CYFIP1: variants seen among roughly 807,000 people sequenced by gnomAD.
The protein encoded by CYFIP1 is cytoplasmic FMR1 interacting protein 1, also known as cytoplasmic FMR1-interacting protein 1.
Under a neutral mutation model 163.5 loss-of-function variants are expected in CYFIP1, and 58 were observed. The ratio of observed to expected loss-of-function variants is 0.35; its 90% CI spans 0.29 to 0.44. CYFIP1 has a LOEUF of 0.44. Among genes scored for constraint, CYFIP1 ranks in the 20% least tolerant of loss-of-function variants. The probability of loss-of-function intolerance (pLI) is 1.00; values close to 1 mark genes in which losing one functional copy is unlikely to be tolerated. For missense variants in CYFIP1, 1,338 were observed against 1,653.8 expected (o/e 0.81, Z 3.31); for synonymous variants, 663 against 660.7 (o/e 1.00, Z -0.05).
intron 1 of CYFIP1, among the ~76,000 whole-genome samples, chr15:22,963,926 A>T (rs1291544816): frequency 6.6e-6 from 1 of 152,158 alleles, no homozygotes; most frequent in Non-Finnish European, 1.5e-5. Context: ...CAGTGTTATA[A>T]TCAGAATGCT....
chr15:22,921,957 G>C (rs117274294), intron 13 of CYFIP1, among the ~76,000 whole-genome samples: 3,683 of 152,220 alleles, frequency 0.024, 94 homozygotes, highest in Non-Finnish European at 0.032. Flanking sequence ...AAAACAATTT[G>C]ATGGGGAAAG....
chr15:22,945,583 T>A (rs1206243274), intron 3 of CYFIP1, among the ~76,000 whole-genome samples: 3 of 152,054 alleles, frequency 2.0e-5, no homozygotes, highest in African/African-American at 7.2e-5. Context: ...CAGTATTTTT[T>A]TTTTTTTTTG....
At chr15:22,951,139 G>A (rs906247740) in intron 1 of CYFIP1, among the ~76,000 whole-genome samples, 1 of 152,098 alleles carries the variant, frequency 6.6e-6, no homozygotes, top group Non-Finnish European at 1.5e-5. Flanking sequence ...CCCCAATGGC[G>A]GCTGGAGACG....
At chr15:22,897,235 A>G (rs945347971) in intron 22 of CYFIP1, among the ~76,000 whole-genome samples, 15 of 152,122 alleles carry the variant, frequency 9.9e-5, no homozygotes, top group African/African-American at 3.4e-4. Context: ...GAAAACTAGT[A>G]CAACAAAGGG....
intron 23 of CYFIP1, among the ~76,000 whole-genome samples, chr15:22,883,756 G>C (rs1390497401): frequency 6.8e-6 from 1 of 146,430 alleles, no homozygotes. Context: ...TGTGGAGCTT[G>C]CAGTGAGCCG....
At chr15:22,908,690 G>T (rs977079889) in intron 21 of CYFIP1, among the ~76,000 whole-genome samples, 8 of 151,526 alleles carry the variant, frequency 5.3e-5, no homozygotes, top group Non-Finnish European at 1.0e-4. Flanking sequence ...CACCACGCCC[G>T]CCTAATTTTT....
intron 1 of CYFIP1, among the ~76,000 whole-genome samples, chr15:22,972,705 C>T (rs918879167): frequency 6.6e-6 from 1 of 152,122 alleles, no homozygotes. Flanking sequence ...CAAAAATCAA[C>T]CCGAAATGAA....
intron 22 of CYFIP1, among the ~76,000 whole-genome samples, chr15:22,897,918 C>T (rs189985166): frequency 6.6e-6 from 1 of 152,314 alleles, no homozygotes; most frequent in Admixed American, 6.5e-5. Context: ...ATGGGATGCC[C>T]ATGTGGTTTC....
At chr15:22,953,769 A>C (rs1412153840) in intron 1 of CYFIP1, among the ~76,000 whole-genome samples, 1 of 152,222 alleles carries the variant, frequency 6.6e-6, no homozygotes, top group East Asian at 1.9e-4. Flanking sequence ...TAACAATAGG[A>C]TCAGGGCCTG....
chr15:22,875,059 A>G, intron 27 of CYFIP1, 140 bp downstream of exon 27: 2 of 721,726 alleles, frequency 2.8e-6, no homozygotes, highest in Middle Eastern at 3.4e-4. Context: ...GGTTCTGTAC[A>G]CTCCTCATTA....
intron 1 of CYFIP1, chr15:22,951,351 C>G (rs1297479341): frequency 3.3e-6 from 4 of 1,213,466 alleles, no homozygotes; most frequent in Non-Finnish European, 4.2e-6. Context: ...GTTCCACACA[C>G]CTCAGAAAGG....
Position 22,870,043 on chromosome 15 carries a change from G to A in CYFIP1, c.3747C>T (p.Ser1249=). The A allele has an allele frequency of 6.2e-7, 1 of 1,605,428 alleles. No individual in the cohort carries two copies. Among genetic ancestry groups the A allele is most frequent in the Non-Finnish European group, 8.5e-7 (1 of 1,177,294 alleles). ...GCGCGTGCCCTCAGCTGCTGGCGAG[G>A]GACTGGTGGATGGGCGGCTGGAAGC... ...VRCFQPPIHQ[S]LASS Residue 1249 remains serine (S), a synonymous_variant, in exon 31 of 31, where the codon TCC becomes TCT. Transcript: ENST00000617928.
intron 26 of CYFIP1, 52 bp downstream of exon 26, chr15:22,879,861 G>A (rs1411613601): frequency 3.6e-6 from 5 of 1,391,004 alleles, no homozygotes; most frequent in South Asian, 1.3e-5. Flanking sequence ...GGCCGGTGGG[G>A]TGGGGTGGGG....
intron 6 of CYFIP1, among the ~76,000 whole-genome samples, chr15:22,941,236 TG>T (rs2140082855): frequency 7.0e-6 from 1 of 142,840 alleles, no homozygotes; most frequent in African/African-American, 2.6e-5. Flanking sequence ...TTTTTGCTCT[TG>T]TTTTTTTAGA....
chr15:22,914,644 A>T, intron 17 of CYFIP1, 82 bp downstream of exon 17: 1 of 1,382,300 alleles, frequency 7.2e-7, no homozygotes, highest in Non-Finnish European at 9.7e-7. Flanking sequence ...TACTAAAAAC[A>T]GTCCCGGCCT....
chr15:22,937,159 T>G lies in CYFIP1; in HGVS notation c.845A>C (p.Tyr282Ser). The change falls in exon 9 of 31, where the codon TAT (tyrosine) becomes TCT (serine). Residue 282 changes from tyrosine (Y) to serine (S), a missense_variant. By Grantham distance (144) the Tyr-to-Ser change is moderately radical. Coordinates refer to ENST00000617928, the MANE Select transcript of CYFIP1 (RefSeq NM_014608.6). Reference sequence around the variant, plus strand: ...TATTCTTTTCTTGGCATCCAACTTATAGATGTTACTGACACTCCCATCCAT... The same window carrying G: ...TATTCTTTTCTTGGCATCCAACTTAGAGATGTTACTGACACTCCCATCCAT... ...YLMDGSVSNI[Y>S]KLDAKKRINL... 6.2e-7 allele frequency: 1 copy of G among 1,613,808 alleles called. No individual in the cohort carries two copies. The highest frequency in any genetic ancestry group is 8.5e-7 in the Non-Finnish European group (1 of 1,179,676).
chr15:22,921,555 C>T (rs1348957756), intron 13 of CYFIP1, among the ~76,000 whole-genome samples: 3 of 151,666 alleles, frequency 2.0e-5, no homozygotes, highest in Non-Finnish European at 2.9e-5. Flanking sequence ...GTAGCTCACG[C>T]CTGTAATCCC....
intron 23 of CYFIP1, among the ~76,000 whole-genome samples, chr15:22,888,236 A>T (rs1282957789): frequency 2.0e-5 from 3 of 152,170 alleles, no homozygotes; most frequent in African/African-American, 7.2e-5. Flanking sequence ...GTATTCCATA[A>T]TCACACAGAT....
At chr15:22,913,203 G>A (rs532467672) in intron 17 of CYFIP1, among the ~76,000 whole-genome samples, 1 of 147,478 alleles carries the variant, frequency 6.8e-6, no homozygotes, top group South Asian at 2.2e-4. Flanking sequence ...CTCTGTTGGG[G>A]GGAAAAAAAA....
Sources: gnomAD v4.1 joint callset for allele counts (sites outside exome capture counted in the v4.1 genomes callset) on GRCh38, gnomAD v4.1.1 for gene constraint, MANE v1.5 for transcripts, NCBI Gene and HGNC (gene_info 2026-07-23, HGNC 2026-07-21) for gene names.